CASR: variants seen among roughly 807,000 people sequenced by gnomAD.
The protein encoded by CASR is extracellular calcium-sensing receptor.
Under a neutral mutation model 69.1 loss-of-function variants are expected in CASR, and 23 were observed. The observed-to-expected ratio is 0.33, with a 90% CI of 0.24 to 0.47. The LOEUF (loss-of-function observed/expected upper bound fraction) is 0.47, where lower values mean the gene tolerates loss of function less well. CASR is among the 20% of genes least tolerant of loss of function. The pLI is 1.00. For missense variants in CASR, 924 were observed against 1,356.1 expected, an observed-to-expected ratio of 0.68 and a Z score of 5.00; for synonymous variants, 541 against 544.7, an observed-to-expected ratio of 0.99 and a Z score of 0.10.
At position 122,254,383 on chromosome 3, in the gene CASR, A is replaced by G; in HGVS notation, c.185+9A>G. On this transcript the variant is annotated intron_variant, in intron 2 of 6. Coordinates refer to ENST00000639785, the MANE Select transcript of CASR (RefSeq NM_000388.4). ...TCTGTGGAATGTATCAGGTAAGAAG[A>G]GGGGCCTAATCTGCCAATCTCTTCT... The G allele has an allele frequency of 6.2e-7, 1 of 1,613,576 alleles. No individual in the cohort carries two copies. The highest frequency in any genetic ancestry group is 8.5e-7 in the Non-Finnish European group (1 of 1,179,496).
chr3:122,253,986 A>G lies in CASR; in HGVS notation c.-204A>G. 1.6e-6 allele frequency: 1 copy of G among 619,696 alleles called. No homozygotes were observed. Among genetic ancestry groups the G allele is most frequent in the South Asian group, 1.8e-5 (1 of 54,528 alleles). The allele number at this position is 619,696 out of a possible 1,614,324, so 38.4% of individuals were successfully genotyped here. On this transcript the variant is annotated 5_prime_UTR_variant, in exon 2 of 7. Transcript: ENST00000639785. ...AGGCCTCTGCATGATGTGGCTTCCAAAGACTCAAGGACCACCCACATTACA... is the reference window on the plus strand; with the variant it reads ...AGGCCTCTGCATGATGTGGCTTCCAGAGACTCAAGGACCACCCACATTACA...
intron 1 of CASR, among the ~76,000 whole-genome samples, chr3:122,218,366 T>G (rs1174358390): frequency 1.3e-5 from 2 of 151,846 alleles, no homozygotes; most frequent in Non-Finnish European, 2.9e-5. Flanking sequence ...AAACCCCGCC[T>G]CTACTAAAAT....
At chr3:122,253,503 A>G (rs569300656) in intron 1 of CASR, among the ~76,000 whole-genome samples, 5 of 152,346 alleles carry the variant, frequency 3.3e-5, no homozygotes, top group African/African-American at 7.2e-5. Context: ...TCAGCTCCCC[A>G]TAGTGCTAGG....
chr3:122,186,292 C>T (rs1035621516), intron 1 of CASR, among the ~76,000 whole-genome samples: 3 of 152,152 alleles, frequency 2.0e-5, no homozygotes, highest in African/African-American at 7.2e-5. Flanking sequence ...TGATTAGAAG[C>T]TGCCACTTCT....
At chr3:122,240,257 C>T (rs1048282847) in intron 1 of CASR, among the ~76,000 whole-genome samples, 2 of 152,138 alleles carry the variant, frequency 1.3e-5, no homozygotes, top group African/African-American at 2.4e-5. Context: ...GCTGAAGAAA[C>T]AAGACCCAAT....
chr3:122,200,132 C>G (rs985989338), intron 1 of CASR, among the ~76,000 whole-genome samples: 1 of 152,142 alleles, frequency 6.6e-6, no homozygotes, highest in African/African-American at 2.4e-5. Flanking sequence ...GTCTCAAACT[C>G]CTGACCCCAG....
chr3:122,278,050 G>T (rs781267513), intron 5 of CASR, among the ~76,000 whole-genome samples: 15 of 152,070 alleles, frequency 9.9e-5, no homozygotes, highest in Non-Finnish European at 2.1e-4. Flanking sequence ...TTGTGGAAAT[G>T]ACCACAAAAA....
In CASR at chr3:122,268,033, A is replaced by G. The variant is rs141606074; in HGVS notation, c.1377+5621A>G. On this transcript the variant is annotated intron_variant, in intron 4 of 6. Transcript: ENST00000639785. Reference sequence around the variant, plus strand: ...TCACTCCTGCATGTGAGTAGGTAGTATAGTGTAATGGTTAACAGTTTGGAA... The same window carrying G: ...TCACTCCTGCATGTGAGTAGGTAGTGTAGTGTAATGGTTAACAGTTTGGAA... 1.6e-4 allele frequency among the ~76,000 whole-genome samples: 24 copies of G among 152,352 alleles called. No homozygotes were observed. The East Asian group carries it at 4.0e-3, about 26-fold the overall frequency.
Position 122,252,445 on chromosome 3 carries a change from GAAAA to G in CASR, c.-242-1498_-242-1495del, listed in dbSNP as rs373304569. ...AGAAAGAAAGAAAGAAAGAAAGAAA[GAAAA>G]AAAAGAAAAGAAAGAAAAGAAAAGA... On this transcript the variant is annotated intron_variant, in intron 1 of 6. Transcript: ENST00000639785. Among the ~76,000 whole-genome samples the G allele has an allele frequency of 9.7e-4, 66 of 67,820 alleles. 5 individuals carry two copies. Among genetic ancestry groups the G allele is most frequent in the Middle Eastern group, 8.8e-3 (1 of 114 alleles). The allele number at this position is 67,820 out of a possible 152,430, so 44.5% of individuals were successfully genotyped here.
At position 122,203,603 on chromosome 3, in the gene CASR, C is replaced by A. The variant is rs76447481; in HGVS notation, c.-243+19791C>A. 4.2e-3 allele frequency among the ~76,000 whole-genome samples: 644 copies of A among 152,266 alleles called. 6 individuals carry two copies. The highest frequency in any genetic ancestry group is 0.015 in the African/African-American group (616 of 41,548). The stretch of plus-strand genomic sequence containing the variant: ...GTACATGTGTATAATAAGGTACTTA[C>A]CATGAATGGGACTTGCAGGACTGGA... On this transcript the variant is annotated intron_variant, in intron 1 of 6. Transcript: ENST00000639785.
At chr3:122,238,371 G>C (rs1427266527) in intron 1 of CASR, among the ~76,000 whole-genome samples, 1 of 152,186 alleles carries the variant, frequency 6.6e-6, no homozygotes, top group Non-Finnish European at 1.5e-5. Flanking sequence ...ATTTGGACCA[G>C]CCCTAGCAAG....
intron 4 of CASR, among the ~76,000 whole-genome samples, chr3:122,272,620 T>A (rs1316441363): frequency 6.6e-6 from 1 of 152,264 alleles, no homozygotes; most frequent in Non-Finnish European, 1.5e-5. Context: ...TATTTTATCT[T>A]GCACTGTTTA....
intron 1 of CASR, among the ~76,000 whole-genome samples, chr3:122,253,729 A>G (rs2074522784): frequency 6.6e-6 from 1 of 152,178 alleles, no homozygotes; most frequent in Non-Finnish European, 1.5e-5. Flanking sequence ...TTAAAATTTG[A>G]CCTCTCATAA....
At chr3:122,271,426 T>C (rs1170079201) in intron 4 of CASR, among the ~76,000 whole-genome samples, 1 of 152,218 alleles carries the variant, frequency 6.6e-6, no homozygotes, top group African/African-American at 2.4e-5. Flanking sequence ...TTTATCTCCC[T>C]GCCACATCCG....
At chr3:122,234,713 C>T (rs1485174122) in intron 1 of CASR, among the ~76,000 whole-genome samples, 1 of 152,246 alleles carries the variant, frequency 6.6e-6, no homozygotes, top group African/African-American at 2.4e-5. Context: ...GAGTCACTCA[C>T]TGAGGCTCAG....
At chr3:122,263,933 C>T (rs2074657030) in intron 4 of CASR, among the ~76,000 whole-genome samples, 2 of 152,068 alleles carry the variant, frequency 1.3e-5, no homozygotes, top group Admixed American at 1.3e-4. Flanking sequence ...TTCTTTCTTA[C>T]CTCTCACGTC....
chr3:122,260,689 TAAA>T lies in CASR; in HGVS notation c.493-826_493-824del, dbSNP rs71136558. ...AAGTACCCTAGAACTTAAAGTATAA[TAAA>T]AAAAAAAAAAAAGTGGGTCTGGCCA... On this transcript the variant is annotated intron_variant, in intron 3 of 6. Coordinates refer to ENST00000639785, the MANE Select transcript of CASR (RefSeq NM_000388.4). Among the ~76,000 whole-genome samples the T allele has an allele frequency of 1.2e-4, 17 of 147,796 alleles. No homozygotes were observed. In the South Asian group the frequency reaches 1.9e-3, roughly 17 times the overall value.
chr3:122,212,643 ATT>A (rs35139115), intron 1 of CASR, among the ~76,000 whole-genome samples: 94 of 144,904 alleles, frequency 6.5e-4, no homozygotes, highest in African/African-American at 1.0e-3. Flanking sequence ...ATTTTCTACA[ATT>A]TTTTTTTTTT....
chr3:122,284,207 C>T lies in CASR; in HGVS notation c.2253C>T (p.Tyr751=), dbSNP rs1559968887. 1 of 1,614,072 alleles carries T rather than the reference C, an allele frequency of 6.2e-7. No homozygotes were observed. Among genetic ancestry groups the T allele is most frequent in the Non-Finnish European group, 8.5e-7 (1 of 1,180,026 alleles). The part of the protein sequence containing the change: ...IWLYTAPPSS[Y]RNQELEDEII... ...TCTACACCGCGCCCCCGTCAAGCTACCGCAACCAGGAGCTGGAGGATGAGA... is the reference window on the plus strand; with the variant it reads ...TCTACACCGCGCCCCCGTCAAGCTATCGCAACCAGGAGCTGGAGGATGAGA... Residue 751 remains tyrosine, a synonymous_variant, in exon 7 of 7, where the codon TAC becomes TAT. Coordinates refer to ENST00000639785, the MANE Select transcript of CASR (RefSeq NM_000388.4).
Sources: allele counts gnomAD v4.1 joint callset (sites outside exome capture counted in the v4.1 genomes callset), GRCh38; gene constraint gnomAD v4.1.1; transcripts MANE v1.5; gene names NCBI Gene and HGNC (gene_info 2026-07-23, HGNC 2026-07-21).